Variants in ADGRA2 observed in about 807,000 individuals in gnomAD.
The protein encoded by ADGRA2 is adhesion G protein-coupled receptor A2.
ADGRA2 carries 61 observed loss-of-function variants against 98.7 expected under a neutral mutation model. That is an observed-to-expected ratio of 0.62 (90% confidence interval 0.50 to 0.76). ADGRA2 has a LOEUF of 0.76. Among genes scored for constraint, ADGRA2 ranks in the 30% least tolerant of loss-of-function variants. The pLI is 0.00. For synonymous variants in ADGRA2, 858 were observed against 831.5 expected, an observed-to-expected ratio of 1.03 and a Z score of -0.55; for missense variants, 1,712 against 1,860.0, an observed-to-expected ratio of 0.92 and a Z score of 1.46.
chr8:37,832,646 A>G (rs1312344823), intron 8 of ADGRA2, among the ~76,000 whole-genome samples: 1 of 152,156 alleles, frequency 6.6e-6, no homozygotes, highest in African/African-American at 2.4e-5. Context: ...ACCCACAAAG[A>G]GTATCACCTT....
intron 1 of ADGRA2, among the ~76,000 whole-genome samples, chr8:37,801,944 C>T (rs1804519528): frequency 1.3e-5 from 2 of 152,250 alleles, no homozygotes; most frequent in Non-Finnish European, 2.9e-5. Flanking sequence ...GGAGAGGTCA[C>T]TTTGAATTTC....
chr8:37,840,787 A>T lies in ADGRA2; in HGVS notation c.2685A>T (p.Pro895=), dbSNP rs1252194589. ...LRFYLIAGGI[P]LIICGITAAV... is the part of the protein sequence containing the mutation. ...TCTATTTGATCGCTGGAGGGATTCC[A>T]CTCATTATCTGTGGCATCACAGCTG... Residue 895 remains proline (P), a synonymous_variant, in exon 18 of 19, where the codon CCA becomes CCT. Transcript: ENST00000412232. The T allele has an allele frequency of 1.9e-6, 3 of 1,606,784 alleles. No individual in the cohort carries two copies. In the Admixed American group the frequency reaches 5.0e-5, roughly 27 times the overall value.
At chr8:37,800,389 G>A (rs187083034) in intron 1 of ADGRA2, among the ~76,000 whole-genome samples, 138 of 152,348 alleles carry the variant, frequency 9.1e-4, no homozygotes, top group African/African-American at 3.2e-3. Flanking sequence ...ATCTCTCAGA[G>A]CTCTCCGAGT....
rs1585411953 is a variant in ADGRA2 at position 37,842,119 on chromosome 8, G to A, written c.3781G>A (p.Ala1261Thr). Reference protein sequence around the residue: ...TPSEGSDTSAAPLSEAGRAGQ... With the variant: ...TPSEGSDTSATPLSEAGRAGQ... Reference sequence around the variant, plus strand: ...GTCCGAGGGCAGCGACACCAGCGCCGCGCCGCTTTCTGAGGCGGGCCGGGC... The same window carrying A: ...GTCCGAGGGCAGCGACACCAGCGCCACGCCGCTTTCTGAGGCGGGCCGGGC... Residue 1261 changes from alanine (A) to threonine (T), a missense_variant, in exon 19 of 19, where the codon GCG (alanine) becomes ACG (threonine). Coordinates refer to ENST00000412232, the MANE Select transcript of ADGRA2 (RefSeq NM_032777.10). 2.7e-6 allele frequency: 4 copies of A among 1,497,062 alleles called. No individual in the cohort carries two copies. The highest frequency in any genetic ancestry group is 3.5e-6 in the Non-Finnish European group (4 of 1,131,454). The allele number at this position is 1,497,062 out of a possible 1,614,324, so 92.7% of individuals were successfully genotyped here.
rs545544753 is a variant in ADGRA2, at chr8:37,799,360, G to A, written c.266+1826G>A. On this transcript the variant is annotated intron_variant, in intron 1 of 18. Coordinates refer to ENST00000412232, the MANE Select transcript of ADGRA2 (RefSeq NM_032777.10). Reference sequence around the variant, plus strand: ...ATTGCACTCCAGCCTGGGCGACAGAGCGAGACTCCGTATAAAAAAAAAAAA... The same window carrying A: ...ATTGCACTCCAGCCTGGGCGACAGAACGAGACTCCGTATAAAAAAAAAAAA... Among the ~76,000 whole-genome samples, 290 of 150,644 alleles carry A rather than the reference G, an allele frequency of 1.9e-3. 1 individual carries two copies. Among genetic ancestry groups the A allele is most frequent in the African/African-American group, 6.9e-3 (281 of 40,792 alleles).
Position 37,842,178 on chromosome 8 carries a change from C to A in ADGRA2, c.3840C>A (p.Leu1280=), listed in dbSNP as rs1585412059. The change falls in exon 19 of 19, where the codon CTC becomes CTA. Residue 1280 remains leucine, a synonymous_variant. Coordinates refer to ENST00000412232, the MANE Select transcript of ADGRA2 (RefSeq NM_032777.10). Reference sequence around the variant, plus strand: ...GCCGCAGCGCCAGCCGCGACAGTCTCAAGGGCGGCGGCGCGCTGGAGAAGG... The same window carrying A: ...GCCGCAGCGCCAGCCGCGACAGTCTAAAGGGCGGCGGCGCGCTGGAGAAGG... ...GQRRSASRDS[L]KGGGALEKES... The A allele has an allele frequency of 1.3e-6, 2 of 1,536,576 alleles. No individual in the cohort carries two copies. The highest frequency in any genetic ancestry group is 5.0e-5 in the East Asian group (2 of 39,710).
Position 37,840,996 on chromosome 8 carries a change from C to T in ADGRA2, c.2748-90C>T, listed in dbSNP as rs543875767. The T allele has an allele frequency of 3.7e-6, 5 of 1,337,042 alleles. No homozygotes were observed. The African/African-American group carries it at 7.1e-5, about 19-fold the overall frequency. 82.8% of individuals were successfully genotyped at this position (1,337,042 alleles called of 1,614,324 possible). ...ACCAAGCCGTCCTTGTCTCCGTACT[C>T]ACCATATCCTGTCTCCCCAACCACC... On this transcript the variant is annotated intron_variant, in intron 18 of 18. Coordinates refer to ENST00000412232, the MANE Select transcript of ADGRA2 (RefSeq NM_032777.10).
In ADGRA2 at chr8:37,829,332, T is replaced by G; in HGVS notation, c.482T>G (p.Leu161Arg). The change falls in exon 4 of 19, where the codon CTA becomes CGA. Residue 161 changes from leucine (L) to arginine (R), a missense_variant and splice_region_variant. By Grantham distance (102) the Leu-to-Arg change is moderately radical. Transcript: ENST00000412232. ...TFQGLPRLLR[L>R]NISGNIFSSL... is the part of the protein sequence containing the mutation. Reference sequence around the variant, plus strand: ...CAGGGCCTCCCCAGGCTTCTCCGACTGTAAGTGATGGGGTGAGAAGTGGGG... The same window carrying G: ...CAGGGCCTCCCCAGGCTTCTCCGACGGTAAGTGATGGGGTGAGAAGTGGGG... The G allele has an allele frequency of 6.2e-7, 1 of 1,611,512 alleles. No individual in the cohort carries two copies. Among genetic ancestry groups the G allele is most frequent in the Non-Finnish European group, 8.5e-7 (1 of 1,178,308 alleles).
At chr8:37,836,137 G>A (rs1004471823) in intron 13 of ADGRA2, among the ~76,000 whole-genome samples, 1 of 150,884 alleles carries the variant, frequency 6.6e-6, no homozygotes, top group African/African-American at 2.5e-5. Context: ...CTGAATAGGT[G>A]CCTGCTAGAA....
rs578032974 is a variant in ADGRA2, at chr8:37,838,864, C to G, written c.2260-92C>G. The G allele has an allele frequency of 1.5e-4, 219 of 1,454,628 alleles. 2 individuals are homozygous for G. The South Asian group carries it at 2.9e-3, about 19-fold the overall frequency. 90.1% of individuals were successfully genotyped at this position (1,454,628 alleles called of 1,614,324 possible). ...TGAACTAAGCACCAAAGTGCAGGAC[C>G]AAGGCTGACGGGGCCTGGGAAGAGG... On this transcript the variant is annotated intron_variant, in intron 14 of 18. Coordinates refer to ENST00000412232, the MANE Select transcript of ADGRA2 (RefSeq NM_032777.10).
chr8:37,844,119 C>A lies in ADGRA2; in HGVS notation c.*1764C>A. On this transcript the variant is annotated 3_prime_UTR_variant, in exon 19 of 19. Coordinates refer to ENST00000412232, the MANE Select transcript of ADGRA2 (RefSeq NM_032777.10). ...CTGAGGGTTGATACTGCTGGGAATG[C>A]CAACCACTCCACAAGCAGAGGGAAG... is the stretch of plus-strand genomic sequence containing the variant. 1 of 233,586 alleles carries A rather than the reference C, an allele frequency of 4.3e-6. No individual in the cohort carries two copies. Among genetic ancestry groups the A allele is most frequent in the Non-Finnish European group, 8.5e-6 (1 of 117,192 alleles). 14.5% of individuals were successfully genotyped at this position (233,586 alleles called of 1,614,324 possible). A position where few individuals can be genotyped will look rare whatever the true frequency, so the allele number is the denominator to read the frequency against.
rs1399722077 is a variant in ADGRA2, at chr8:37,830,683, C to T, written c.719-27C>T. On this transcript the variant is annotated intron_variant, in intron 6 of 18. Transcript: ENST00000412232. This position sits in a 1 kb window ranked among gnomAD's most constrained non-coding sequence, Gnocchi z 4.8. ...AGCCTCACATGCGTGTGCACTCGGG[C>T]CTCACGCCTGGTGTCTCCTCCCACA... 3.1e-6 allele frequency: 4 copies of T among 1,287,674 alleles called. No homozygotes were observed. The South Asian group carries it at 3.7e-5, about 12-fold the overall frequency. 79.8% of individuals were successfully genotyped at this position (1,287,674 alleles called of 1,614,324 possible).
At position 37,829,011 on chromosome 8, in the gene ADGRA2, G is replaced by C. The variant is rs1301206054; in HGVS notation, c.410+52G>C. 9 of 1,271,366 alleles carry C rather than the reference G, an allele frequency of 7.1e-6. No homozygotes were observed. In the Admixed American group the frequency reaches 1.6e-4, roughly 23 times the overall value. The allele number at this position is 1,271,366 out of a possible 1,614,324, so 78.8% of individuals were successfully genotyped here. A position where few individuals can be genotyped will look rare whatever the true frequency, so the allele number is the denominator to read the frequency against. On this transcript the variant is annotated intron_variant, in intron 3 of 18. Coordinates refer to ENST00000412232, the MANE Select transcript of ADGRA2 (RefSeq NM_032777.10). Reference sequence around the variant, plus strand: ...CACCCCTCCCCTCCCGAGGGAGAAAGTCACCCCTCCTGCTCCATGCCCACC... The same window carrying C: ...CACCCCTCCCCTCCCGAGGGAGAAACTCACCCCTCCTGCTCCATGCCCACC...
chr8:37,806,520 C>CTTTTTGTTTTTTTTTTTTT, intron 1 of ADGRA2, among the ~76,000 whole-genome samples: 1 of 85,534 alleles, frequency 1.2e-5, no homozygotes, highest in African/African-American at 7.4e-5. Flanking sequence ...TTTCTTTTTT[C>CTTTTTGTTTTTTTTTTTTT]TTTTTCTTTT....
intron 1 of ADGRA2, among the ~76,000 whole-genome samples, chr8:37,803,383 C>CT (rs999484261): frequency 3.9e-5 from 6 of 152,150 alleles, no homozygotes; most frequent in African/African-American, 1.4e-4. Context: ...CCCAGCCTCC[C>CT]TGGGAGCAGC....
At chr8:37,835,504 A>C in intron 12 of ADGRA2, 50 bp from the exon 13 acceptor site, 2 of 1,496,732 alleles carry the variant, frequency 1.3e-6, no homozygotes, top group Non-Finnish European at 1.9e-6. Context: ...GCAAGACATC[A>C]GTGCTCTAGG....
rs140379099 is a variant in ADGRA2 at position 37,800,306 on chromosome 8, C to T, written c.266+2772C>T. Among the ~76,000 whole-genome samples, 393 of 152,268 alleles carry T rather than the reference C, an allele frequency of 2.6e-3. 2 individuals are homozygous for T. Among genetic ancestry groups the T allele is most frequent in the African/African-American group, 7.8e-3 (323 of 41,530 alleles). On this transcript the variant is annotated intron_variant, in intron 1 of 18. Coordinates refer to ENST00000412232, the MANE Select transcript of ADGRA2 (RefSeq NM_032777.10). ...AGGTGGCTGGCAGTTGATGGGACTC[C>T]GGAGAAGGTGAGCTGCACAGAAGCA...
rs1401428352 is a variant in ADGRA2, at chr8:37,814,601, C to T, written c.267-295C>T. ...CAGCCCTGTGGTTCCAGAGTGGAAA[C>T]GGGGCATCACAGGGTCACCCCCACC... On this transcript the variant is annotated intron_variant, in intron 1 of 18. Transcript: ENST00000412232. The surrounding 1 kb of genome is among the most constrained non-coding windows in gnomAD (Gnocchi z 4.3). Among the ~76,000 whole-genome samples, 2 of 152,224 alleles carry T rather than the reference C, an allele frequency of 1.3e-5. No individual in the cohort carries two copies. The highest frequency in any genetic ancestry group is 1.9e-4 in the East Asian group (1 of 5,202).
intron 1 of ADGRA2, among the ~76,000 whole-genome samples, chr8:37,806,822 G>A (rs1027469603): frequency 3.9e-5 from 6 of 152,168 alleles, no homozygotes; most frequent in African/African-American, 9.6e-5. Flanking sequence ...GAGCCACTGC[G>A]CCCGGCATGT....
Sources: allele counts gnomAD v4.1 joint callset (sites outside exome capture counted in the v4.1 genomes callset), GRCh38; gene constraint gnomAD v4.1.1; non-coding constraint Gnocchi (gnomAD v3.1); transcripts MANE v1.5; gene names NCBI Gene and HGNC (gene_info 2026-07-23, HGNC 2026-07-21).